Variants in KHDRBS2 observed in about 807,000 individuals in gnomAD.
The protein encoded by KHDRBS2 is KH domain-containing, RNA-binding, signal transduction-associated protein 2.
Under a neutral mutation model 44.3 loss-of-function variants are expected in KHDRBS2, and 26 were observed. The ratio of observed to expected loss-of-function variants is 0.59; its 90% confidence interval spans 0.43 to 0.81. The LOEUF (loss-of-function observed/expected upper bound fraction) is 0.81. Ranked by LOEUF, KHDRBS2 falls within the 40% of genes least tolerant of loss-of-function variation. The probability of loss-of-function intolerance (pLI) is 0.00; values close to 1 mark genes in which losing one functional copy is unlikely to be tolerated. For synonymous variants in KHDRBS2, 194 were observed against 151.1 expected (o/e 1.28, Z -2.08); for missense variants, 476 against 433.1 (o/e 1.10, Z -0.88).
chr6:61,783,050 G>A (rs1783254034), intron 6 of KHDRBS2, among the ~76,000 whole-genome samples: 1 of 152,026 alleles, frequency 6.6e-6, no homozygotes, highest in Non-Finnish European at 1.5e-5. Flanking sequence ...GCCATGCCAA[G>A]TTATGGATGT....
chr6:62,118,735 A>ATCTT (rs1304223368), intron 2 of KHDRBS2, among the ~76,000 whole-genome samples: 1 of 152,192 alleles, frequency 6.6e-6, no homozygotes, highest in Non-Finnish European at 1.5e-5. Flanking sequence ...TCCAGCCTTC[A>ATCTT]TCTTTCTTCT....
chr6:62,153,484 C>G (rs1443003661), intron 2 of KHDRBS2, among the ~76,000 whole-genome samples: 1 of 116,256 alleles, frequency 8.6e-6, no homozygotes, highest in South Asian at 2.8e-4. Context: ...GAAAACGTTT[C>G]AGCCTTTATA....
chr6:62,104,942 A>G (rs1802805765), intron 2 of KHDRBS2, among the ~76,000 whole-genome samples: 1 of 152,182 alleles, frequency 6.6e-6, no homozygotes, highest in Non-Finnish European at 1.5e-5. Flanking sequence ...CCAGTAACAG[A>G]AGTGAAAGAA....
At chr6:61,641,162 T>G in the KHDRBS2 span, among the ~76,000 whole-genome samples, 49 of 152,278 alleles carry the variant, frequency 3.2e-4, no homozygotes, top group African/African-American at 1.1e-3. Flanking sequence ...ATGGATTACT[T>G]CAGTAAGTTC....
intron 4 of KHDRBS2, among the ~76,000 whole-genome samples, chr6:61,930,170 G>A (rs2127366065): frequency 6.6e-6 from 1 of 152,244 alleles, no homozygotes; most frequent in African/African-American, 2.4e-5. Context: ...CATGTTGGAA[G>A]CAGAGAGCTG....
At chr6:62,105,135 G>T (rs553159841) in intron 2 of KHDRBS2, among the ~76,000 whole-genome samples, 1 of 151,320 alleles carries the variant, frequency 6.6e-6, no homozygotes, top group Non-Finnish European at 1.5e-5. Context: ...TGAGCTTTTA[G>T]TTAAACATTT....
At chr6:61,861,839 C>A (rs1335736314) in intron 6 of KHDRBS2, among the ~76,000 whole-genome samples, 1 of 152,150 alleles carries the variant, frequency 6.6e-6, no homozygotes, top group Non-Finnish European at 1.5e-5. Flanking sequence ...TCCTTCCTAT[C>A]CATGAGCTTG....
Position 61,954,281 on chromosome 6 carries a change from G to A in KHDRBS2, c.483+23785C>T, listed in dbSNP as rs1414841668. 2.7e-5 allele frequency among the ~76,000 whole-genome samples: 4 copies of A among 150,920 alleles called. 1 individual carries two copies. The South Asian group carries it at 8.3e-4, about 31-fold the overall frequency. The stretch of plus-strand genomic sequence containing the variant: ...TGTGTATGCCTGCATAGAAATGTGC[G>A]TGTGTCTACATATACACATATATAT... On this transcript the variant is annotated intron_variant, in intron 4 of 8. Coordinates refer to ENST00000281156, the MANE Select transcript of KHDRBS2 (RefSeq NM_152688.4).
At chr6:62,002,425 T>C (rs1396077063) in intron 3 of KHDRBS2, among the ~76,000 whole-genome samples, 6 of 151,818 alleles carry the variant, frequency 4.0e-5, no homozygotes, top group Non-Finnish European at 1.5e-5. Context: ...AATGTGTTCA[T>C]TAAACATCAT....
intron 6 of KHDRBS2, among the ~76,000 whole-genome samples, chr6:61,800,979 G>A (rs1299172193): frequency 1.3e-5 from 2 of 152,084 alleles, no homozygotes; most frequent in Admixed American, 6.6e-5. Context: ...AGGACATCCT[G>A]GGTGCATATA....
chr6:61,597,773 T>TATATATATATAA, the KHDRBS2 span, among the ~76,000 whole-genome samples: 1 of 42,352 alleles, frequency 2.4e-5, no homozygotes, highest in African/African-American at 8.5e-5. Context: ...TATATATATA[T>TATATATATATAA]ACACCAAGAT....
rs532850146 is a variant in KHDRBS2 at position 61,844,374 on chromosome 6, C to A, written c.810+50261G>T. ...TTCCTATTAAAATTAGTATAATTTTCAGCATATTTCAGCTTTTCTGATCTT... is the reference window on the plus strand; with the variant it reads ...TTCCTATTAAAATTAGTATAATTTTAAGCATATTTCAGCTTTTCTGATCTT... On this transcript the variant is annotated intron_variant, in intron 6 of 8. Transcript: ENST00000281156. Among the ~76,000 whole-genome samples, 24 of 152,252 alleles carry A rather than the reference C, an allele frequency of 1.6e-4. No homozygotes were observed. The South Asian group carries it at 3.7e-3, about 24-fold the overall frequency.
chr6:61,791,286 C>A (rs1784608165), intron 6 of KHDRBS2, among the ~76,000 whole-genome samples: 1 of 150,958 alleles, frequency 6.6e-6, no homozygotes, highest in South Asian at 2.1e-4. Context: ...TTCTTTGGGA[C>A]CGATTTTCTT....
At chr6:62,277,372 T>C (rs1032787897) in intron 1 of KHDRBS2, among the ~76,000 whole-genome samples, 1 of 152,042 alleles carries the variant, frequency 6.6e-6, no homozygotes, top group Non-Finnish European at 1.5e-5. Context: ...GACGGAGTCT[T>C]GCTCTGTCAC....
chr6:61,678,333 CA>C (rs1766060818), downstream of KHDRBS2, among the ~76,000 whole-genome samples: 1 of 151,938 alleles, frequency 6.6e-6, no homozygotes, highest in Non-Finnish European at 1.5e-5. Flanking sequence ...CAATTTCAAA[CA>C]GCGATTTTAC....
At chr6:61,591,808 A>G in the KHDRBS2 span, among the ~76,000 whole-genome samples, 1 of 152,342 alleles carries the variant, frequency 6.6e-6, no homozygotes. Flanking sequence ...AGCAGTAATC[A>G]TCAAAGCAGG....
intron 2 of KHDRBS2, among the ~76,000 whole-genome samples, chr6:62,176,330 A>C (rs1277590097): frequency 6.6e-6 from 1 of 151,382 alleles, no homozygotes; most frequent in Non-Finnish European, 1.5e-5. Context: ...GGGCTTTAAC[A>C]ATTTTATCCC....
At chr6:62,227,539 GCC>G (rs1832107179) in intron 1 of KHDRBS2, among the ~76,000 whole-genome samples, 1 of 152,066 alleles carries the variant, frequency 6.6e-6, no homozygotes, top group Non-Finnish European at 1.5e-5. Flanking sequence ...TAACTGCCCT[GCC>G]CAGAACTTCC....
At chr6:62,283,250 C>A (rs1167015842) in intron 1 of KHDRBS2, among the ~76,000 whole-genome samples, 1 of 152,066 alleles carries the variant, frequency 6.6e-6, no homozygotes, top group African/African-American at 2.4e-5. Context: ...TGAAAACACA[C>A]AGCACAAACA....
Sources: allele counts gnomAD v4.1 joint callset (sites outside exome capture counted in the v4.1 genomes callset), GRCh38; gene constraint gnomAD v4.1.1; transcripts MANE v1.5; gene names NCBI Gene and HGNC (gene_info 2026-07-23, HGNC 2026-07-21).